The following RORA variants were observed in gnomAD, a reference collection of about 807,000 sequenced individuals.
RORA encodes the protein RAR related orphan receptor A, also known as nuclear receptor ROR-alpha.
In RORA, 7 loss-of-function variants were observed where a neutral mutation model predicts 69.5. The ratio of observed to expected loss-of-function variants is 0.10; its 90% CI spans 0.06 to 0.19. The LOEUF is 0.19. RORA is among the 10% of genes least tolerant of loss of function. RORA has a pLI of 1.00. For synonymous variants in RORA, 261 were observed against 240.8 expected (o/e 1.08, Z -0.78); for missense variants, 457 against 663.0 (o/e 0.69, Z 3.41).
At chr15:61,083,203 TC>T (rs1216765009) in intron 1 of RORA, among the ~76,000 whole-genome samples, 2 of 152,196 alleles carry the variant, frequency 1.3e-5, no homozygotes, top group African/African-American at 2.4e-5. Flanking sequence ...TGTTCCGTTG[TC>T]CCGAGGCTGA....
chr15:60,986,215 C>A (rs2140365188), intron 1 of RORA, among the ~76,000 whole-genome samples: 1 of 150,964 alleles, frequency 6.6e-6, no homozygotes, highest in Middle Eastern at 3.4e-3. Context: ...CTCACTGCAA[C>A]CTCCACCTTC....
intron 1 of RORA, among the ~76,000 whole-genome samples, chr15:60,830,726 T>C (rs887674145): frequency 6.6e-6 from 1 of 152,178 alleles, no homozygotes; most frequent in Non-Finnish European, 1.5e-5. Context: ...AGCATACTAA[T>C]GGCTTTGGAA....
At chr15:60,501,854 G>A (rs539126146) in intron 8 of RORA, among the ~76,000 whole-genome samples, 2 of 152,200 alleles carry the variant, frequency 1.3e-5, no homozygotes, top group East Asian at 3.9e-4. Flanking sequence ...AAATGACAAT[G>A]TGCTACATGA....
rs1314719935 is a variant in RORA at position 60,491,159 on chromosome 15, C to G, written c.*6296G>C. The G allele has an allele frequency of 4.6e-5, 7 of 152,038 alleles. No individual in the cohort carries two copies. The South Asian group carries it at 1.2e-3, about 27-fold the overall frequency. 9.4% of individuals were successfully genotyped at this position (152,038 alleles called of 1,614,324 possible). The stretch of plus-strand genomic sequence containing the variant: ...GTGAAATCATTTTCACTATATTGCT[C>G]AAGAATTATCTGCATTTACATATGC... On this transcript the variant is annotated 3_prime_UTR_variant, in exon 11 of 11. Coordinates refer to ENST00000335670, the MANE Select transcript of RORA (RefSeq NM_134261.3).
At chr15:60,716,816 G>A (rs78529599) in intron 1 of RORA, among the ~76,000 whole-genome samples, 2,589 of 152,276 alleles carry the variant, frequency 0.017, 87 homozygotes, top group African/African-American at 0.058. Context: ...ATATGTGGAG[G>A]TTCCTGGAGA....
rs1269098163 is a variant in RORA at position 60,561,464 on chromosome 15, TA to T, written c.197-29614del. 4.6e-5 allele frequency among the ~76,000 whole-genome samples: 7 copies of T among 151,718 alleles called. No individual in the cohort carries two copies. In the East Asian group the frequency reaches 9.6e-4, roughly 21 times the overall value. On this transcript the variant is annotated intron_variant, in intron 2 of 10. Coordinates refer to ENST00000335670, the MANE Select transcript of RORA (RefSeq NM_134261.3). ...TATAATTGTGATGACAAGAAAGTAA[TA>T]AAAAAAAGTTAAACTCTTTAACTCT...
chr15:60,762,763 G>T (rs1177162084), intron 1 of RORA, among the ~76,000 whole-genome samples: 1 of 152,148 alleles, frequency 6.6e-6, no homozygotes, highest in Non-Finnish European at 1.5e-5. Context: ...CTGCAAGGGG[G>T]ACTATTGGTA....
intron 1 of RORA, among the ~76,000 whole-genome samples, chr15:61,064,705 C>T (rs892760538): frequency 3.3e-5 from 5 of 152,236 alleles, no homozygotes; most frequent in Admixed American, 3.3e-4. Flanking sequence ...GTTGCAGGAC[C>T]AGCATTACAT....
chr15:60,833,958 T>G (rs965291854), intron 1 of RORA, among the ~76,000 whole-genome samples: 1 of 152,160 alleles, frequency 6.6e-6, no homozygotes, highest in Non-Finnish European at 1.5e-5. Context: ...TAGGAATACA[T>G]CATCAACCAG....
In RORA at chr15:61,226,321, A is replaced by G. The variant is rs1010070050; in HGVS notation, c.166+2732T>C. Among the ~76,000 whole-genome samples the G allele has an allele frequency of 3.9e-5, 6 of 152,168 alleles. No homozygotes were observed. The highest frequency in any genetic ancestry group is 6.5e-5 in the Admixed American group (1 of 15,280). On this transcript the variant is annotated intron_variant, in intron 1 of 10. Coordinates refer to ENST00000335670, the MANE Select transcript of RORA (RefSeq NM_134261.3). This position sits in a 1 kb window ranked among gnomAD's most constrained non-coding sequence, Gnocchi z 4.2. Reference sequence around the variant, plus strand: ...CTCCTGGAGGTTGAAAATGCTAATCATAAGGTGATGATGTTTGCTTTTCCT... The same window carrying G: ...CTCCTGGAGGTTGAAAATGCTAATCGTAAGGTGATGATGTTTGCTTTTCCT...
At chr15:60,885,024 T>C (rs2073736208) in intron 1 of RORA, among the ~76,000 whole-genome samples, 1 of 152,246 alleles carries the variant, frequency 6.6e-6, no homozygotes, top group Non-Finnish European at 1.5e-5. Flanking sequence ...AGCAGCCTTT[T>C]CATTTCATTC....
intron 3 of RORA, among the ~76,000 whole-genome samples, chr15:60,517,411 C>T (rs1456510122): frequency 4.0e-5 from 6 of 151,118 alleles, no homozygotes; most frequent in Admixed American, 6.6e-5. Context: ...GATCAAGTCC[C>T]GCCTCTTCTG....
At chr15:60,703,159 AC>A in intron 1 of RORA, among the ~76,000 whole-genome samples, 1 of 151,264 alleles carries the variant, frequency 6.6e-6, no homozygotes, top group Non-Finnish European at 1.5e-5. Context: ...ACACACACAC[AC>A]ACAATCTCTT....
chr15:60,810,494 T>C (rs1419322576), intron 1 of RORA, among the ~76,000 whole-genome samples: 1 of 152,156 alleles, frequency 6.6e-6, no homozygotes, highest in Non-Finnish European at 1.5e-5. Context: ...ACTTCAGTGT[T>C]GGGAAATTTT....
chr15:61,137,097 A>AAGAAAGAAAG (rs1555414105), intron 1 of RORA, among the ~76,000 whole-genome samples: 1 of 149,900 alleles, frequency 6.7e-6, no homozygotes, highest in Non-Finnish European at 1.5e-5. Context: ...GAAAGAAAGA[A>AAGAAAGAAAG]AGAAAAAAGC....
intron 2 of RORA, among the ~76,000 whole-genome samples, chr15:60,654,050 C>T (rs943571059): frequency 3.3e-5 from 5 of 152,094 alleles, no homozygotes; most frequent in South Asian, 2.1e-4. Flanking sequence ...CCGTGAAGGC[C>T]GCCTCTTTAG....
intron 1 of RORA, among the ~76,000 whole-genome samples, chr15:61,192,876 G>A (rs1381467196): frequency 1.3e-5 from 2 of 152,188 alleles, no homozygotes; most frequent in Non-Finnish European, 2.9e-5. Context: ...GCCTTACAGG[G>A]CTGTTGTGAG....
intron 1 of RORA, among the ~76,000 whole-genome samples, chr15:60,947,454 G>T (rs925305340): frequency 3.3e-5 from 5 of 151,232 alleles, no homozygotes; most frequent in Non-Finnish European, 7.4e-5. Flanking sequence ...GATTAAGGGC[G>T]GTGCAAGATG....
At position 60,683,229 on chromosome 15, in the gene RORA, C is replaced by A. The variant is rs542797269; in HGVS notation, c.167-4543G>T. ...GTCTTGCCATGTTGTTCAGGCTGAT[C>A]TTGAATGCCTGGCCTCAAGCAATCC... On this transcript the variant is annotated intron_variant, in intron 1 of 10. Coordinates refer to ENST00000335670, the MANE Select transcript of RORA (RefSeq NM_134261.3). Among the ~76,000 whole-genome samples the A allele has an allele frequency of 3.3e-5, 5 of 152,270 alleles. No individual in the cohort carries two copies. In the East Asian group the frequency reaches 9.7e-4, roughly 29 times the overall value.
Sources: allele counts gnomAD v4.1 joint callset (sites outside exome capture counted in the v4.1 genomes callset), GRCh38; gene constraint gnomAD v4.1.1; non-coding constraint Gnocchi (gnomAD v3.1); transcripts MANE v1.5; gene names NCBI Gene and HGNC (gene_info 2026-07-23, HGNC 2026-07-21).